Variants in MATN2 observed in about 807,000 individuals in gnomAD.
The protein encoded by MATN2 is matrilin 2.
Under a neutral mutation model 103.2 loss-of-function variants are expected in MATN2, and 69 were observed. The ratio of observed to expected loss-of-function variants is 0.67; its 90% CI spans 0.55 to 0.82. MATN2 has a LOEUF of 0.82. MATN2 is among the 40% of genes least tolerant of loss of function. The probability of loss-of-function intolerance (pLI) is 0.00; values close to 1 mark genes in which losing one functional copy is unlikely to be tolerated. For missense variants in MATN2, 1,023 were observed against 1,211.5 expected (o/e 0.84, Z 2.31); for synonymous variants, 429 against 450.2 (o/e 0.95, Z 0.60).
chr8:97,875,842 C>T (rs1818051301), intron 1 of MATN2, among the ~76,000 whole-genome samples: 1 of 149,854 alleles, frequency 6.7e-6, no homozygotes, highest in Non-Finnish European at 1.5e-5. Context: ...ACTACAGGTG[C>T]CCGCCACCCT....
At chr8:97,972,730 C>T (rs549579719) in intron 5 of MATN2, among the ~76,000 whole-genome samples, 2 of 152,314 alleles carry the variant, frequency 1.3e-5, no homozygotes, top group East Asian at 3.9e-4. Context: ...AGTGATTTCT[C>T]ACATGTTGGG....
At chr8:98,033,291 AAAGAG>A in intron 17 of MATN2, 115 bp downstream of exon 17, 1 of 942,456 alleles carries the variant, frequency 1.1e-6, no homozygotes. Flanking sequence ...GTATAGAGGA[AAAGAG>A]AAGAAAGAAT....
At chr8:97,996,496 A>G (rs1189338580) in intron 7 of MATN2, among the ~76,000 whole-genome samples, 1 of 152,182 alleles carries the variant, frequency 6.6e-6, no homozygotes, top group African/African-American at 2.4e-5. Context: ...CAGTGGGTAT[A>G]GCCCCTCTTT....
chr8:97,974,787 G>A (rs1015866963), intron 5 of MATN2, among the ~76,000 whole-genome samples: 2 of 152,192 alleles, frequency 1.3e-5, no homozygotes, highest in African/African-American at 2.4e-5. Context: ...ACAATAACAT[G>A]TACAAATGAC....
intron 10 of MATN2, among the ~76,000 whole-genome samples, chr8:98,009,376 G>A (rs959895406): frequency 5.3e-5 from 8 of 152,304 alleles, no homozygotes; most frequent in Admixed American, 2.0e-4. Context: ...AGGGCCAGAC[G>A]ACATGACTGC....
At chr8:97,930,023 A>G (rs1810123851) in intron 2 of MATN2, among the ~76,000 whole-genome samples, 1 of 152,130 alleles carries the variant, frequency 6.6e-6, no homozygotes, top group Non-Finnish European at 1.5e-5. Flanking sequence ...AGGTCTCATC[A>G]CTTATTCTGT....
At chr8:97,976,913 T>C (rs1811854102) in intron 5 of MATN2, among the ~76,000 whole-genome samples, 1 of 152,044 alleles carries the variant, frequency 6.6e-6, no homozygotes, top group Non-Finnish European at 1.5e-5. Flanking sequence ...ATGGTTTGTT[T>C]GGCTTCACCA....
Position 98,007,667 on chromosome 8 carries a change from C to T in MATN2, c.1573+66C>T. The stretch of plus-strand genomic sequence containing the variant: ...CGTGGGTGCCGGTGTGGGTGCGCTG[C>T]CGACGTGTATATGTGCCTGTGTGTC... On this transcript the variant is annotated intron_variant, in intron 10 of 18. Transcript: ENST00000254898. The surrounding 1 kb of genome is among the most constrained non-coding windows in gnomAD (Gnocchi z 4.2). 6 of 1,553,702 alleles carry T rather than the reference C, an allele frequency of 3.9e-6. No individual in the cohort carries two copies. The South Asian group carries it at 5.9e-5, about 15-fold the overall frequency.
At chr8:97,874,231 G>A (rs771369477) in intron 1 of MATN2, among the ~76,000 whole-genome samples, 13 of 152,090 alleles carry the variant, frequency 8.5e-5, no homozygotes, top group Non-Finnish European at 1.6e-4. Context: ...TTCTCATGGG[G>A]CTAAAAATCC....
rs1171081065 is a variant in MATN2 at position 97,982,477 on chromosome 8, T to C, written c.1081+3469T>C. ...TACACTTGCAAAAAATGAAAGAAAC[T>C]CAGTTTCTCAAATTTCAGCCTATAT... On this transcript the variant is annotated intron_variant, in intron 6 of 18. Transcript: ENST00000254898. The surrounding 1 kb of genome is among the most constrained non-coding windows in gnomAD (Gnocchi z 4.3). Among the ~76,000 whole-genome samples, 1 of 152,154 alleles carries C rather than the reference T, an allele frequency of 6.6e-6. No individual in the cohort carries two copies. Among genetic ancestry groups the C allele is most frequent in the Non-Finnish European group, 1.5e-5 (1 of 68,038 alleles).
chr8:97,952,608 G>A (rs1046172811), intron 4 of MATN2, among the ~76,000 whole-genome samples: 27 of 150,820 alleles, frequency 1.8e-4, no homozygotes, highest in African/African-American at 5.9e-4. Flanking sequence ...AAACTGGTTG[G>A]GTTTGAGCAC....
intron 4 of MATN2, among the ~76,000 whole-genome samples, chr8:97,942,237 T>G (rs1289428373): frequency 6.6e-6 from 1 of 152,204 alleles, no homozygotes; most frequent in Non-Finnish European, 1.5e-5. Flanking sequence ...CTTTATTAAC[T>G]GTACCCTAAG....
At chr8:97,873,981 T>C (rs1308717690) in intron 1 of MATN2, among the ~76,000 whole-genome samples, 1 of 152,006 alleles carries the variant, frequency 6.6e-6, no homozygotes, top group Non-Finnish European at 1.5e-5. Flanking sequence ...ATCAACAGCA[T>C]TTGTTGACTT....
intron 2 of MATN2, among the ~76,000 whole-genome samples, chr8:97,919,543 T>C (rs1809742511): frequency 6.6e-6 from 1 of 152,186 alleles, no homozygotes; most frequent in African/African-American, 2.4e-5. Context: ...TCCCCACCTC[T>C]TTCTGATGTT....
At chr8:98,001,665 G>A (rs540895571) in intron 7 of MATN2, among the ~76,000 whole-genome samples, 4 of 151,818 alleles carry the variant, frequency 2.6e-5, no homozygotes, top group Admixed American at 2.6e-4. Flanking sequence ...TTTAGTAGAG[G>A]TGGGGTTTCA....
At position 97,961,519 on chromosome 8, in the gene MATN2, A is replaced by G; in HGVS notation, c.947A>G (p.Lys316Arg). 6.2e-7 allele frequency: 1 copy of G among 1,612,860 alleles called. No homozygotes were observed. Among genetic ancestry groups the G allele is most frequent in the Non-Finnish European group, 8.5e-7 (1 of 1,179,300 alleles). ...YSGYALAEDG[K>R]RCVAVDYCAS... ...GGCTACGCCCTGGCTGAGGATGGGAAGAGGTGTGTGGGTGAGTATCCCTCC... is the reference window on the plus strand; with the variant it reads ...GGCTACGCCCTGGCTGAGGATGGGAGGAGGTGTGTGGGTGAGTATCCCTCC... The change falls in exon 5 of 19, where the codon AAG (lysine) becomes AGG (arginine). Residue 316 changes from lysine (K) to arginine (R), a missense_variant. Coordinates refer to ENST00000254898, the MANE Select transcript of MATN2 (RefSeq NM_002380.5).
At chr8:97,888,353 T>C (rs1482900799) in intron 2 of MATN2, 111 bp downstream of exon 2, 1 of 1,277,670 alleles carries the variant, frequency 7.8e-7, no homozygotes, top group Non-Finnish European at 1.0e-6. Context: ...TGGGTCCTTG[T>C]TGGATGTGCT....
chr8:97,948,902 T>G (rs1021469567), intron 4 of MATN2, among the ~76,000 whole-genome samples: 1 of 152,186 alleles, frequency 6.6e-6, no homozygotes, highest in Non-Finnish European at 1.5e-5. Flanking sequence ...TCTTCAGTAC[T>G]CTGCTACTAA....
In MATN2 at chr8:98,033,112, T is replaced by G. The variant is rs772789526; in HGVS notation, c.2652T>G (p.Tyr884Ter). Residue 884 changes from tyrosine (Y) to a stop codon, truncating the protein, a stop_gained, in exon 17 of 19, where the codon TAT (tyrosine) becomes TAG (stop). Coordinates refer to ENST00000254898, the MANE Select transcript of MATN2 (RefSeq NM_002380.5). LOFTEE classifies it high-confidence loss of function. ...SCSNFAVQHRYLFEEDNLLRS... is the reference protein window; with the variant it reads ...SCSNFAVQHR ...CTAATTTTGCAGTGCAACACAGATA[T>G]CTGTTTGAAGAAGACAATCTTTTAC... is the stretch of plus-strand genomic sequence containing the variant. The G allele has an allele frequency of 6.2e-7, 1 of 1,611,794 alleles. No homozygotes were observed. The highest frequency in any genetic ancestry group is 1.7e-5 in the Admixed American group (1 of 59,704).
Sources: gnomAD v4.1 joint callset for allele counts (sites outside exome capture counted in the v4.1 genomes callset) on GRCh38, gnomAD v4.1.1 for gene constraint, Gnocchi (gnomAD v3.1) non-coding constraint, MANE v1.5 for transcripts, NCBI Gene and HGNC (gene_info 2026-07-23, HGNC 2026-07-21) for gene names.